The following COBL variants were observed in gnomAD, a reference collection of about 807,000 sequenced individuals.
COBL encodes protein cordon-bleu.
COBL carries 51 observed loss-of-function variants against 98.8 expected under a neutral mutation model. That is an observed-to-expected ratio of 0.52 (90% CI 0.41 to 0.65). COBL has a LOEUF of 0.65. Ranked by LOEUF, COBL falls within the 30% of genes least tolerant of loss-of-function variation. The pLI is 0.00. For missense variants in COBL, 1,617 were observed against 1,617.5 expected (o/e 1.00, Z 0.01); for synonymous variants, 634 against 651.7 (o/e 0.97, Z 0.41).
At chr7:51,228,643 C>A (rs1794432176) in intron 1 of COBL, among the ~76,000 whole-genome samples, 1 of 152,144 alleles carries the variant, frequency 6.6e-6, no homozygotes, top group Non-Finnish European at 1.5e-5. Flanking sequence ...ATCCATAACA[C>A]TCACCAAACT....
chr7:51,022,970 T>C (rs949837625), intron 12 of COBL: 3 of 152,316 alleles, frequency 2.0e-5, no homozygotes, highest in Middle Eastern at 3.4e-3. Flanking sequence ...TGGACCTACA[T>C]TGAGAAACAG....
At chr7:51,112,081 A>G (rs1222532674) in intron 6 of COBL, among the ~76,000 whole-genome samples, 3 of 152,160 alleles carry the variant, frequency 2.0e-5, no homozygotes, top group East Asian at 1.9e-4. Flanking sequence ...GTCTATTTCT[A>G]TTTTTACTAA....
intron 7 of COBL, among the ~76,000 whole-genome samples, chr7:51,061,765 G>A (rs1324427321): frequency 6.6e-6 from 1 of 152,110 alleles, no homozygotes; most frequent in Non-Finnish European, 1.5e-5. Context: ...TGTTTGAGCT[G>A]GGACACCCAT....
chr7:51,198,332 C>T (rs745989941), intron 2 of COBL, among the ~76,000 whole-genome samples: 1 of 152,164 alleles, frequency 6.6e-6, no homozygotes, highest in Admixed American at 6.5e-5. Flanking sequence ...TGAATATTGG[C>T]CCCCAATCTC....
intron 5 of COBL, among the ~76,000 whole-genome samples, chr7:51,167,624 A>G (rs1787454277): frequency 6.6e-6 from 1 of 152,210 alleles, no homozygotes. Flanking sequence ...AGTCAAAGCT[A>G]TCCTAAGCAA....
chr7:51,094,319 C>A (rs1178710317), intron 6 of COBL, among the ~76,000 whole-genome samples: 1 of 151,746 alleles, frequency 6.6e-6, no homozygotes. Flanking sequence ...GCATGGTGAC[C>A]ATAGTTAATA....
chr7:51,278,906 A>G (rs1179652160), intron 1 of COBL, among the ~76,000 whole-genome samples: 1 of 152,240 alleles, frequency 6.6e-6, no homozygotes, highest in African/African-American at 2.4e-5. Context: ...CAAAACTACA[A>G]AACACACCCA....
intron 1 of COBL, among the ~76,000 whole-genome samples, chr7:51,293,907 G>A (rs1054943340): frequency 9.9e-5 from 15 of 152,162 alleles, no homozygotes; most frequent in Middle Eastern, 3.4e-3. Context: ...TCCCATGCTC[G>A]GTAAGGGTGC....
chr7:51,169,173 A>G (rs1400461015), intron 5 of COBL, among the ~76,000 whole-genome samples: 1 of 152,198 alleles, frequency 6.6e-6, no homozygotes, highest in Non-Finnish European at 1.5e-5. Flanking sequence ...ATTTTAATCC[A>G]GACATTCCTT....
At chr7:51,049,850 C>A (rs1790073933) in intron 7 of COBL, among the ~76,000 whole-genome samples, 1 of 152,178 alleles carries the variant, frequency 6.6e-6, no homozygotes, top group Non-Finnish European at 1.5e-5. Flanking sequence ...TTAGGATTCG[C>A]CTTTGAGAGA....
At position 51,190,942 on chromosome 7, in the gene COBL, A is replaced by T; in HGVS notation, c.593T>A (p.Leu198His). 6.2e-7 allele frequency: 1 copy of T among 1,614,134 alleles called. No homozygotes were observed. The highest frequency in any genetic ancestry group is 1.1e-5 in the South Asian group (1 of 91,050). ...CEVSPEHVVL[L>H]RDNIAGEELE... ...CTCCTCTCCGGCAATGTTGTCCCTGAGGAGAACCACGTGCTCTGGGCTGAC... is the reference window on the plus strand; with the variant it reads ...CTCCTCTCCGGCAATGTTGTCCCTGTGGAGAACCACGTGCTCTGGGCTGAC... The change falls in exon 4 of 13, where the codon CTC becomes CAC. Residue 198 changes from leucine (L) to histidine (H), a missense_variant. Transcript: ENST00000265136.
chr7:51,235,968 A>T (rs957021314), intron 1 of COBL, among the ~76,000 whole-genome samples: 2 of 152,176 alleles, frequency 1.3e-5, no homozygotes, highest in Non-Finnish European at 2.9e-5. Context: ...GAAATGAGAA[A>T]AACTTAACAG....
At chr7:51,043,337 G>T (rs1588305447) in intron 8 of COBL, 46 bp downstream of exon 8, 1 of 1,564,578 alleles carries the variant, frequency 6.4e-7, no homozygotes, top group Non-Finnish European at 8.8e-7. Flanking sequence ...TAGAGACACA[G>T]ATGTGGCTGT....
intron 10 of COBL, 23 bp downstream of exon 10, chr7:51,027,689 G>T: frequency 6.3e-7 from 1 of 1,589,142 alleles, no homozygotes; most frequent in Non-Finnish European, 8.6e-7. Context: ...TGGAAGGCCT[G>T]CCCCGGAAGC....
intron 6 of COBL, among the ~76,000 whole-genome samples, chr7:51,100,361 G>A (rs1056262648): frequency 6.6e-6 from 1 of 152,202 alleles, no homozygotes; most frequent in Non-Finnish European, 1.5e-5. Flanking sequence ...CTGACCTCAA[G>A]CTGTTCAAAG....
At chr7:51,296,020 A>G (rs1801391523) in intron 1 of COBL, among the ~76,000 whole-genome samples, 1 of 152,194 alleles carries the variant, frequency 6.6e-6, no homozygotes. Flanking sequence ...CTTCCATAAA[A>G]ATAAACCTGA....
intron 12 of COBL, among the ~76,000 whole-genome samples, chr7:51,024,566 G>A (rs1034150567): frequency 7.2e-5 from 11 of 152,134 alleles, no homozygotes; most frequent in African/African-American, 1.7e-4. Context: ...TGGAGAAGCC[G>A]GGGAAATCCA....
At chr7:51,292,836 C>T (rs904536741) in intron 1 of COBL, among the ~76,000 whole-genome samples, 1 of 152,228 alleles carries the variant, frequency 6.6e-6, no homozygotes, top group Non-Finnish European at 1.5e-5. Context: ...GAGCAGGGCC[C>T]TCTAGGGATG....
intron 6 of COBL, among the ~76,000 whole-genome samples, chr7:51,109,676 T>C (rs1165843017): frequency 1.3e-5 from 2 of 152,202 alleles, no homozygotes; most frequent in South Asian, 2.1e-4. Context: ...AAAATTTTAC[T>C]AAAAAAACTG....
Sources: gnomAD v4.1 joint callset for allele counts (sites outside exome capture counted in the v4.1 genomes callset) on GRCh38, gnomAD v4.1.1 for gene constraint, MANE v1.5 for transcripts, NCBI Gene and HGNC (gene_info 2026-07-23, HGNC 2026-07-21) for gene names.